Variants in PDHA1 observed in about 807,000 individuals in gnomAD.
PDHA1 encodes pyruvate dehydrogenase E1 subunit alpha 1, also known as pyruvate dehydrogenase E1 component subunit alpha, somatic form, mitochondrial.
In PDHA1, 1 loss-of-function variant was observed where a neutral mutation model predicts 33.0. That is an observed-to-expected ratio of 0.03 (90% CI 0.01 to 0.14). The LOEUF (loss-of-function observed/expected upper bound fraction) is 0.14, where lower values mean the gene tolerates loss of function less well. Ranked by LOEUF, PDHA1 falls within the 10% of genes least tolerant of loss-of-function variation. PDHA1 has a pLI of 1.00. For missense variants in PDHA1, 168 were observed against 325.1 expected (o/e 0.52, Z 3.72); for synonymous variants, 123 against 119.2 (o/e 1.03, Z -0.21).
chrX:19,352,760 A>C (rs1020105394), intron 4 of PDHA1: 1 of 320,044 alleles, frequency 3.1e-6, no homozygotes, highest in Non-Finnish European at 5.6e-6. Flanking sequence ...GATTGAATAT[A>C]TTTAGTGTAC....
intron 1 of PDHA1, among the ~76,000 whole-genome samples, chrX:19,344,612 C>T (rs750249254): frequency 8.9e-6 from 1 of 112,391 alleles, no homozygotes; most frequent in Non-Finnish European, 1.9e-5. Context: ...AATGTTTGCT[C>T]GAAGTGGAGT....
At chrX:19,344,876 G>C (rs973375554) in intron 1 of PDHA1, among the ~76,000 whole-genome samples, 1 of 111,893 alleles carries the variant, frequency 8.9e-6, no homozygotes, top group Non-Finnish European at 1.9e-5. Flanking sequence ...CAGAAGGTCA[G>C]CCTCTTCAGA....
At chrX:19,355,851 T>C in intron 8 of PDHA1, 94 bp downstream of exon 8, 1 of 653,514 alleles carries the variant, frequency 1.5e-6, no homozygotes, top group South Asian at 2.3e-5. Flanking sequence ...AGTGGGTACC[T>C]GCTAATTGAG....
chrX:19,359,880 TGAACAAATACTCTAATTATGAAAAGGAA>T lies in PDHA1; in HGVS notation c.*234_*261del, dbSNP rs2063256751. ...ATTTTTGACTTAAAATAGTATACTT[TGAACAAATACTCTAATTATGAAAAGGAA>T]GAACAATTCCTTGTATGCCTGTTTC... is the stretch of plus-strand genomic sequence containing the variant. On this transcript the variant is annotated 3_prime_UTR_variant, in exon 11 of 11. Coordinates refer to ENST00000422285, the MANE Select transcript of PDHA1 (RefSeq NM_000284.4). 2.3e-6 allele frequency: 1 copy of T among 431,100 alleles called. No homozygotes were observed. The allele number at this position is 431,100 out of a possible 1,213,427, so 35.5% of individuals were successfully genotyped here.
At chrX:19,355,954 A>G (rs2063194533) in intron 8 of PDHA1, among the ~76,000 whole-genome samples, 197 bp downstream of exon 8, 1 of 111,494 alleles carries the variant, frequency 9.0e-6, no homozygotes, top group Non-Finnish European at 1.9e-5. Flanking sequence ...CGTTTCTCTC[A>G]TTTGGGGGAA....
rs15943 is a variant in PDHA1 at position 19,361,522 on chromosome X, G to C, written c.*1869G>C. Reference sequence around the variant, plus strand: ...TCAATTGTCTTTGCATCAGCTCCTTGCAGCCGCAACCAGTCTATAAGCTCT... The same window carrying C: ...TCAATTGTCTTTGCATCAGCTCCTTCCAGCCGCAACCAGTCTATAAGCTCT... On this transcript the variant is annotated 3_prime_UTR_variant, in exon 11 of 11. Coordinates refer to ENST00000422285, the MANE Select transcript of PDHA1 (RefSeq NM_000284.4). 5.4e-3 allele frequency: 6,582 copies of C among 1,209,870 alleles called. 15 individuals carry two copies. Among genetic ancestry groups the C allele is most frequent in the Middle Eastern group, 8.5e-3 (37 of 4,353 alleles).
At chrX:19,349,853 T>C (rs1376805522) in intron 2 of PDHA1, 84 bp from the exon 3 acceptor site, 2 of 755,458 alleles carry the variant, frequency 2.6e-6, no homozygotes, top group African/African-American at 4.1e-5. Context: ...TCAATATTAT[T>C]TGCAATGGAG....
rs1602227714 is a variant in PDHA1, at chrX:19,355,515, C to A, written c.759+11C>A. Reference sequence around the variant, plus strand: ...ATTCCTGGGCTGAGAGTAAGGACACCTGTGGTGGGGCCGGGGCCAAGGCCA... The same window carrying A: ...ATTCCTGGGCTGAGAGTAAGGACACATGTGGTGGGGCCGGGGCCAAGGCCA... On this transcript the variant is annotated intron_variant, in intron 7 of 10. Coordinates refer to ENST00000422285, the MANE Select transcript of PDHA1 (RefSeq NM_000284.4). The A allele has an allele frequency of 1.7e-6, 2 of 1,198,214 alleles. No individual in the cohort carries two copies. Among genetic ancestry groups the A allele is most frequent in the Non-Finnish European group, 2.2e-6 (2 of 894,130 alleles).
intron 2 of PDHA1, 141 bp from the exon 3 acceptor site, chrX:19,349,796 A>G: frequency 2.0e-6 from 1 of 509,376 alleles, no homozygotes; most frequent in Non-Finnish European, 3.5e-6. Flanking sequence ...TAAGGAACAG[A>G]GGCGATATGA....
chrX:19,354,238 A>G (rs2063181175), intron 5 of PDHA1, among the ~76,000 whole-genome samples: 1 of 112,750 alleles, frequency 8.9e-6, no homozygotes, highest in Admixed American at 9.4e-5. Context: ...GCCAGGTTTT[A>G]TTTTTTAACT....
rs867033377 is a variant in PDHA1 at position 19,360,042 on chromosome X, C to G, written c.*389C>G. Reference sequence around the variant, plus strand: ...AGCAGCGCTGGTGCTGCAGCCTGTTCGCGCTGACCATTTCTCTACAAGATA... The same window carrying G: ...AGCAGCGCTGGTGCTGCAGCCTGTTGGCGCTGACCATTTCTCTACAAGATA... On this transcript the variant is annotated 3_prime_UTR_variant, in exon 11 of 11. Coordinates refer to ENST00000422285, the MANE Select transcript of PDHA1 (RefSeq NM_000284.4). 4.7e-6 allele frequency: 1 copy of G among 212,434 alleles called. No homozygotes were observed. The highest frequency in any genetic ancestry group is 1.1e-4 in the East Asian group (1 of 8,714). 17.5% of individuals were successfully genotyped at this position (212,434 alleles called of 1,213,427 possible).
rs2147174737 is a variant in PDHA1, at chrX:19,350,011, C to T, written c.192C>T (p.Tyr64=). The part of the protein sequence containing the change: ...TVLTREDGLK[Y]YRMMQTVRRM... Reference sequence around the variant, plus strand: ...TCACCAGGGAGGATGGGCTCAAATACTACAGGATGATGCAGACTGTACGCC... The same window carrying T: ...TCACCAGGGAGGATGGGCTCAAATATTACAGGATGATGCAGACTGTACGCC... The change falls in exon 3 of 11, where the codon TAC becomes TAT. Residue 64 remains tyrosine, a synonymous_variant. Coordinates refer to ENST00000422285, the MANE Select transcript of PDHA1 (RefSeq NM_000284.4). 5 of 1,200,388 alleles carry T rather than the reference C, an allele frequency of 4.2e-6. No individual in the cohort carries two copies. Among genetic ancestry groups the T allele is most frequent in the Non-Finnish European group, 5.6e-6 (5 of 885,121 alleles).
rs1381469880 is a variant in PDHA1 at position 19,344,105 on chromosome X, C to G, written c.57+11C>G. Reference sequence around the variant, plus strand: ...GCTTCTCAGAAGCCGGTGAGACCTCCCGGGCGGGCCGGGATGGGGCGCGAG... The same window carrying G: ...GCTTCTCAGAAGCCGGTGAGACCTCGCGGGCGGGCCGGGATGGGGCGCGAG... On this transcript the variant is annotated intron_variant, in intron 1 of 10. Coordinates refer to ENST00000422285, the MANE Select transcript of PDHA1 (RefSeq NM_000284.4). The G allele has an allele frequency of 8.4e-7, 1 of 1,191,175 alleles. No individual in the cohort carries two copies.
Position 19,360,762 on chromosome X carries a change from T to G in PDHA1, c.*1109T>G. On this transcript the variant is annotated 3_prime_UTR_variant, in exon 11 of 11. Transcript: ENST00000422285. ...AGCTGATTGGTATCAAGCCTTGTCT[T>G]TGGTTTCTGAGGCCTCCTGAGCCCT... 1 of 1,208,023 alleles carries G rather than the reference T, an allele frequency of 8.3e-7. No individual in the cohort carries two copies. Among genetic ancestry groups the G allele is most frequent in the African/African-American group, 1.7e-5 (1 of 57,607 alleles).
intron 10 of PDHA1, 96 bp from the exon 11 acceptor site, chrX:19,359,393 A>AAGAGTT (rs1376626587): frequency 4.3e-6 from 3 of 692,920 alleles, no homozygotes; most frequent in Non-Finnish European, 7.1e-6. Flanking sequence ...CTTGTAGTTA[A>AAGAGTT]AGAGTTACAC....
chrX:19,344,330 C>T (rs1272982043), intron 1 of PDHA1, among the ~76,000 whole-genome samples: 1 of 113,410 alleles, frequency 8.8e-6, no homozygotes, highest in African/African-American at 3.2e-5. Flanking sequence ...CACCTCCCGC[C>T]CCCGGGCCCA....
chrX:19,345,536 C>T (rs1442940348), intron 1 of PDHA1, among the ~76,000 whole-genome samples: 1 of 88,356 alleles, frequency 1.1e-5, no homozygotes, highest in African/African-American at 4.4e-5. Flanking sequence ...TGCCATTGCA[C>T]TACGGCCTGG....
Position 19,361,394 on chromosome X carries a change from G to A in PDHA1, c.*1741G>A. On this transcript the variant is annotated 3_prime_UTR_variant, in exon 11 of 11. Coordinates refer to ENST00000422285, the MANE Select transcript of PDHA1 (RefSeq NM_000284.4). Reference sequence around the variant, plus strand: ...GTGATCTCATTAAGAATATCCGAAAGTGTATAACCCTCTTCAACAATCTGA... The same window carrying A: ...GTGATCTCATTAAGAATATCCGAAAATGTATAACCCTCTTCAACAATCTGA... The A allele has an allele frequency of 1.7e-6, 2 of 1,208,582 alleles. No homozygotes were observed. Among genetic ancestry groups the A allele is most frequent in the Non-Finnish European group, 2.2e-6 (2 of 892,520 alleles).
chrX:19,350,056 T>C lies in PDHA1; in HGVS notation c.237T>C (p.Asp79=). The change falls in exon 3 of 11, where the codon GAT becomes GAC. Residue 79 remains aspartate, a synonymous_variant. Transcript: ENST00000422285. ...QTVRRMELKA[D]QLYKQKIIRG... ...TACGCCGAATGGAGTTGAAAGCAGA[T>C]CAGCTGTATAAACAGAAAATTATTC... 1 of 1,206,152 alleles carries C rather than the reference T, an allele frequency of 8.3e-7. No individual in the cohort carries two copies. Among genetic ancestry groups the C allele is most frequent in the Non-Finnish European group, 1.1e-6 (1 of 890,884 alleles).
Sources: gnomAD v4.1 joint callset for allele counts (sites outside exome capture counted in the v4.1 genomes callset) on GRCh38, gnomAD v4.1.1 for gene constraint, MANE v1.5 for transcripts, NCBI Gene and HGNC (gene_info 2026-07-23, HGNC 2026-07-21) for gene names.